The following PCDHGB3 variants were observed in gnomAD, a reference collection of about 807,000 sequenced individuals.
PCDHGB3 encodes protocadherin gamma-B3.
Under a neutral mutation model 59.2 loss-of-function variants are expected in PCDHGB3, and 40 were observed. The ratio of observed to expected loss-of-function variants is 0.68; its 90% CI spans 0.52 to 0.88. PCDHGB3 has a LOEUF of 0.88. Ranked by LOEUF, PCDHGB3 falls within the 40% of genes least tolerant of loss-of-function variation. The pLI, the probability that PCDHGB3 is intolerant of heterozygous loss-of-function variation, is 0.00. For synonymous variants in PCDHGB3, 581 were observed against 503.6 expected (o/e 1.15, Z -2.06); for missense variants, 1,309 against 1,187.9 (o/e 1.10, Z -1.50).
At chr5:141,417,784 G>T in intron 1 of PCDHGB3, 2 of 1,474,908 alleles carry the variant, frequency 1.4e-6, no homozygotes, top group Non-Finnish European at 9.0e-7. Context: ...GTCCTGGGCC[G>T]AATGCTCTTT....
rs756658304 is a variant in PCDHGB3, at chr5:141,485,531, G to C, written c.2416-9276G>C. 6.8e-6 allele frequency: 11 copies of C among 1,614,218 alleles called. No homozygotes were observed. In the Admixed American group the frequency reaches 1.5e-4, roughly 22 times the overall value. On this transcript the variant is annotated intron_variant, in intron 1 of 3. Transcript: ENST00000576222. This position sits in a 1 kb window ranked among gnomAD's most constrained non-coding sequence, Gnocchi z 5.7. ...AGGTCCTTTGGAAATGTACCGAGCA[G>C]AGGTAGAGATCGTAGATGTGAATGA... is the stretch of plus-strand genomic sequence containing the variant.
At chr5:141,414,360 A>G (rs1177384414) in intron 1 of PCDHGB3, 1 of 1,613,800 alleles carries the variant, frequency 6.2e-7, no homozygotes, top group Non-Finnish European at 8.5e-7. Context: ...CGTATCTACC[A>G]TTTAAATTAG....
At chr5:141,384,614 C>G (rs759348931) in intron 1 of PCDHGB3, 2 of 1,614,222 alleles carry the variant, frequency 1.2e-6, no homozygotes, top group Admixed American at 3.3e-5. Context: ...ACAGATGGTT[C>G]TACTGGCATG....
In PCDHGB3 at chr5:141,432,129, A is replaced by T. The variant is rs758099753; in HGVS notation, c.2415+59320A>T. The T allele has an allele frequency of 6.2e-6, 10 of 1,614,054 alleles. No individual in the cohort carries two copies. In the South Asian group the frequency reaches 8.8e-5, roughly 14 times the overall value. On this transcript the variant is annotated intron_variant, in intron 1 of 3. Transcript: ENST00000576222. This position sits in a 1 kb window ranked among gnomAD's most constrained non-coding sequence, Gnocchi z 6.0. ...CCGCCGGTCTTCCCTCAGGCCTCCTATTCCGCTTATATCCCAGAGAACAAT... is the reference window on the plus strand; with the variant it reads ...CCGCCGGTCTTCCCTCAGGCCTCCTTTTCCGCTTATATCCCAGAGAACAAT...
rs775012950 is a variant in PCDHGB3, at chr5:141,428,225, A to T, written c.2415+55416A>T. On this transcript the variant is annotated intron_variant, in intron 1 of 3. Coordinates refer to ENST00000576222, the MANE Select transcript of PCDHGB3 (RefSeq NM_018924.5). ...GCTACGCTTCACCTAGTCTTCGCAG[A>T]CAGCCTGCAGGAGGCACTGCCAGAC... is the stretch of plus-strand genomic sequence containing the variant. 19 of 1,156,574 alleles carry T rather than the reference A, an allele frequency of 1.6e-5. No homozygotes were observed. In the Admixed American group the frequency reaches 3.1e-4, roughly 19 times the overall value. 71.6% of individuals were successfully genotyped at this position (1,156,574 alleles called of 1,614,324 possible).
chr5:141,501,831 C>G (rs1246452764), intron 2 of PCDHGB3, among the ~76,000 whole-genome samples: 1 of 152,176 alleles, frequency 6.6e-6, no homozygotes, highest in African/African-American at 2.4e-5. Context: ...GCCCACCCAC[C>G]TGTTTGGCCC....
At position 141,485,698 on chromosome 5, in the gene PCDHGB3, T is replaced by C. The variant is rs1175015922; in HGVS notation, c.2416-9109T>C. ...TTAGCAGCTATAGGCTGAGCTCCAA[T>C]GAACACTTTGCACTGGATGTGAAGA... On this transcript the variant is annotated intron_variant, in intron 1 of 3. Transcript: ENST00000576222. This position sits in a 1 kb window ranked among gnomAD's most constrained non-coding sequence, Gnocchi z 5.7. 6.2e-7 allele frequency: 1 copy of C among 1,613,994 alleles called. No homozygotes were observed. The highest frequency in any genetic ancestry group is 8.5e-7 in the Non-Finnish European group (1 of 1,180,002).
chr5:141,413,227 G>T (rs552225139), intron 1 of PCDHGB3: 2 of 1,613,938 alleles, frequency 1.2e-6, no homozygotes, highest in South Asian at 2.2e-5. Flanking sequence ...CAGCGGGCTG[G>T]TCCTGCTCTG....
chr5:141,409,033 A>C, intron 1 of PCDHGB3: 1 of 1,614,028 alleles, frequency 6.2e-7, no homozygotes, highest in South Asian at 1.1e-5. Context: ...ATGCTGAGAT[A>C]AACTACTACT....
intron 1 of PCDHGB3, chr5:141,418,790 G>A (rs1434374059): frequency 2.5e-6 from 4 of 1,613,758 alleles, no homozygotes; most frequent in Admixed American, 3.3e-5. Flanking sequence ...GGATTTTGAA[G>A]AAGTAGAAAG....
intron 1 of PCDHGB3, chr5:141,383,523 C>A (rs1337208290): frequency 1.2e-6 from 2 of 1,612,324 alleles, no homozygotes; most frequent in African/African-American, 2.7e-5. Flanking sequence ...AGCGGGTTCA[C>A]CACCTGGTCC....
At chr5:141,404,319 C>T in intron 1 of PCDHGB3, 3 of 1,613,900 alleles carry the variant, frequency 1.9e-6, no homozygotes, top group East Asian at 4.5e-5. Context: ...TCTCAAGCCT[C>T]CTACTCAGTC....
rs1562187768 is a variant in PCDHGB3, at chr5:141,499,029, A to AAGG, written c.2474+4165_2474+4166insGGA. 5.0e-3 allele frequency among the ~76,000 whole-genome samples: 706 copies of AAGG among 140,066 alleles called. 6 individuals carry two copies. Among genetic ancestry groups the AAGG allele is most frequent in the African/African-American group, 0.019 (683 of 36,064 alleles). The allele number at this position is 140,066 out of a possible 152,430, so 91.9% of individuals were successfully genotyped here. A position where few individuals can be genotyped will look rare whatever the true frequency, so the allele number is the denominator to read the frequency against. ...GGAAGGAAGGAAGGAAGGAAGGAAG[A>AAGG]AAAGAAAGAAAAAGGGAGAAAAAAT... On this transcript the variant is annotated intron_variant, in intron 2 of 3. Transcript: ENST00000576222.
chr5:141,478,415 C>G (rs182700706), intron 1 of PCDHGB3: 5 of 1,613,648 alleles, frequency 3.1e-6, no homozygotes, highest in Non-Finnish European at 4.2e-6. Context: ...CACGGACTCC[C>G]GCCGCAGCGA....
At chr5:141,480,652 A>C (rs1488188393) in intron 1 of PCDHGB3, among the ~76,000 whole-genome samples, 4 of 152,220 alleles carry the variant, frequency 2.6e-5, no homozygotes, top group Non-Finnish European at 5.9e-5. Context: ...TTGGTTGCAC[A>C]TTAAAATCAC....
rs2097368013 is a variant in PCDHGB3 at position 141,431,382 on chromosome 5, A to G, written c.2415+58573A>G. 6 of 1,613,756 alleles carry G rather than the reference A, an allele frequency of 3.7e-6. No homozygotes were observed. In the East Asian group the frequency reaches 1.1e-4, roughly 30 times the overall value. On this transcript the variant is annotated intron_variant, in intron 1 of 3. Transcript: ENST00000576222. This position sits in a 1 kb window ranked among gnomAD's most constrained non-coding sequence, Gnocchi z 4.8. ...CTGGACCGCGAAGAAAAGGCTGCTC[A>G]CCACCTGGTCCTTACGGCCTCCGAC... is the stretch of plus-strand genomic sequence containing the variant.
intron 1 of PCDHGB3, among the ~76,000 whole-genome samples, chr5:141,459,307 A>G (rs1175102009): frequency 6.6e-6 from 1 of 152,198 alleles, no homozygotes; most frequent in Non-Finnish European, 1.5e-5. Context: ...AACATATACT[A>G]TTTTGTATCC....
At chr5:141,418,935 A>T (rs1424307952) in intron 1 of PCDHGB3, 2 of 1,613,834 alleles carry the variant, frequency 1.2e-6, no homozygotes, top group Admixed American at 3.3e-5. Context: ...ATTATGGAGG[A>T]TTCCCCTCCA....
At chr5:141,450,885 T>C (rs1262944058) in intron 1 of PCDHGB3, among the ~76,000 whole-genome samples, 1 of 149,238 alleles carries the variant, frequency 6.7e-6, no homozygotes, top group African/African-American at 2.5e-5. Context: ...TGTGCAGTGG[T>C]GCGATATCGG....
Sources: allele counts gnomAD v4.1 joint callset (sites outside exome capture counted in the v4.1 genomes callset), GRCh38; gene constraint gnomAD v4.1.1; non-coding constraint Gnocchi (gnomAD v3.1); transcripts MANE v1.5; gene names NCBI Gene and HGNC (gene_info 2026-07-23, HGNC 2026-07-21).